Variants in EEFSEC observed in about 807,000 individuals in gnomAD.
EEFSEC encodes selenocysteine-specific elongation factor.
Under a neutral mutation model 42.1 loss-of-function variants are expected in EEFSEC, and 43 were observed. The observed-to-expected ratio is 1.02, with a 90% CI of 0.80 to 1.32. The LOEUF (loss-of-function observed/expected upper bound fraction) is 1.32, where lower values mean the gene tolerates loss of function less well. EEFSEC is among the 40% of genes most tolerant of loss of function. The pLI is 0.00. For synonymous variants in EEFSEC, 354 were observed against 339.1 expected (o/e 1.04, Z -0.48); for missense variants, 745 against 803.6 (o/e 0.93, Z 0.88).
intron 5 of EEFSEC, among the ~76,000 whole-genome samples, chr3:128,349,453 T>C (rs969897304): frequency 6.6e-6 from 1 of 152,214 alleles, no homozygotes; most frequent in Non-Finnish European, 1.5e-5. Flanking sequence ...GGAGCCAGGC[T>C]TCTCCACTAG....
chr3:128,254,514 G>A (rs975236016), intron 2 of EEFSEC, among the ~76,000 whole-genome samples: 8 of 152,182 alleles, frequency 5.3e-5, no homozygotes, highest in African/African-American at 1.9e-4. Flanking sequence ...AGGTGAAATC[G>A]CATAAACCAG....
intron 5 of EEFSEC, among the ~76,000 whole-genome samples, chr3:128,348,277 C>CGTGTGTGTGTGTGCGTGTGTGTGTGCGT (rs2067339828): frequency 7.7e-5 from 6 of 77,974 alleles, no homozygotes; most frequent in Admixed American, 1.3e-4. Flanking sequence ...TGTGCGTGTG[C>CGTGTGTGTGTGTGCGTGTGTGTGTGCGT]GTGTGTGTGT....
chr3:128,407,982 G>A, intron 6 of EEFSEC, 87 bp from the exon 7 acceptor site: 1 of 1,287,746 alleles, frequency 7.8e-7, no homozygotes, highest in South Asian at 1.5e-5. Flanking sequence ...CAGAAGAGGG[G>A]TGAGTCTAGG....
chr3:128,394,162 T>C (rs1317174474), intron 6 of EEFSEC, among the ~76,000 whole-genome samples: 1 of 152,194 alleles, frequency 6.6e-6, no homozygotes. Flanking sequence ...CCCCAGCCCC[T>C]GTACCCACGC....
Position 128,408,244 on chromosome 3 carries a change from G to A in EEFSEC, c.1776G>A (p.Met592Ile). The change falls in exon 7 of 7, where the codon ATG becomes ATA. Residue 592 changes from methionine (M) to isoleucine (I), a missense_variant. Transcript: ENST00000254730. The stretch of plus-strand genomic sequence containing the variant: ...ATGTCTTCGACACCCACAAGCGCAT[G>A]GTTCAGTCTCCCTGAGTGTCCGGTG... ...KRYVFDTHKR[M>I]VQSP The A allele has an allele frequency of 6.3e-7, 1 of 1,599,038 alleles. No homozygotes were observed. The highest frequency in any genetic ancestry group is 8.5e-7 in the Non-Finnish European group (1 of 1,171,570).
At chr3:128,210,250 G>T (rs530520007) in intron 1 of EEFSEC, among the ~76,000 whole-genome samples, 57 of 152,352 alleles carry the variant, frequency 3.7e-4, no homozygotes, top group African/African-American at 1.3e-3. Flanking sequence ...ACTTGGCTTG[G>T]TCTCCTGGAG....
chr3:128,244,379 G>A (rs1353184577), intron 1 of EEFSEC, among the ~76,000 whole-genome samples: 10 of 152,200 alleles, frequency 6.6e-5, no homozygotes, highest in Admixed American at 6.5e-4. Context: ...GAAAGGGTTT[G>A]TGGAGCACAC....
At chr3:128,334,734 C>T (rs1335579291) in intron 4 of EEFSEC, among the ~76,000 whole-genome samples, 1 of 152,234 alleles carries the variant, frequency 6.6e-6, no homozygotes, top group East Asian at 1.9e-4. Context: ...GTTCCTCCCT[C>T]CCTCCTTCCC....
intron 1 of EEFSEC, among the ~76,000 whole-genome samples, chr3:128,229,645 G>A (rs2065940755): frequency 6.6e-6 from 1 of 152,244 alleles, no homozygotes; most frequent in African/African-American, 2.4e-5. Context: ...GGGAGCTACA[G>A]GCCAGTCTTG....
chr3:128,386,006 A>G (rs910063278), intron 6 of EEFSEC, among the ~76,000 whole-genome samples: 1 of 152,226 alleles, frequency 6.6e-6, no homozygotes, highest in East Asian at 1.9e-4. Flanking sequence ...TCACAGTTAC[A>G]TGTTGATTTT....
chr3:128,322,932 G>A (rs1328826158), intron 4 of EEFSEC, among the ~76,000 whole-genome samples: 1 of 152,214 alleles, frequency 6.6e-6, no homozygotes, highest in Non-Finnish European at 1.5e-5. Flanking sequence ...CTGCAGATTG[G>A]TGGGGGCTGC....
chr3:128,268,106 GGTCA>G (rs1332850164), intron 4 of EEFSEC, among the ~76,000 whole-genome samples: 1 of 152,262 alleles, frequency 6.6e-6, no homozygotes, highest in Non-Finnish European at 1.5e-5. Flanking sequence ...TAGCCACAGA[GGTCA>G]GTCTCAGGTA....
intron 1 of EEFSEC, among the ~76,000 whole-genome samples, chr3:128,154,662 G>T (rs1309792047): frequency 6.6e-6 from 1 of 151,748 alleles, no homozygotes; most frequent in Non-Finnish European, 1.5e-5. Context: ...TGTTGGTCAG[G>T]CTGGTCTCAA....
intron 1 of EEFSEC, among the ~76,000 whole-genome samples, chr3:128,162,979 TC>T (rs1444317334): frequency 6.6e-6 from 1 of 152,200 alleles, no homozygotes; most frequent in Non-Finnish European, 1.5e-5. Flanking sequence ...AATCATTCCA[TC>T]CAGGTTGGAA....
At chr3:128,356,386 G>A (rs991623538) in intron 5 of EEFSEC, among the ~76,000 whole-genome samples, 9 of 152,130 alleles carry the variant, frequency 5.9e-5, no homozygotes, top group South Asian at 2.1e-4. Context: ...GCAGAGGCCC[G>A]AGTAGTAGCT....
chr3:128,256,567 T>C (rs1441920772), intron 2 of EEFSEC, among the ~76,000 whole-genome samples: 1 of 152,228 alleles, frequency 6.6e-6, no homozygotes, highest in African/African-American at 2.4e-5. Context: ...GCTTCTTGGC[T>C]GCATGTGGAT....
intron 2 of EEFSEC, among the ~76,000 whole-genome samples, chr3:128,249,251 C>A (rs527988635): frequency 6.6e-6 from 1 of 152,200 alleles, no homozygotes; most frequent in East Asian, 1.9e-4. Flanking sequence ...CAAAGAGTAA[C>A]TGAAAGAAAA....
chr3:128,277,108 T>A (rs1174881084), intron 4 of EEFSEC, among the ~76,000 whole-genome samples: 1 of 152,248 alleles, frequency 6.6e-6, no homozygotes, highest in East Asian at 1.9e-4. Context: ...ACCTGCAGTC[T>A]GTGTCGGGCC....
intron 6 of EEFSEC, among the ~76,000 whole-genome samples, chr3:128,382,298 G>A (rs2067785499): frequency 6.6e-6 from 1 of 152,248 alleles, no homozygotes; most frequent in Admixed American, 6.5e-5. Flanking sequence ...CAGACACGCT[G>A]TGCCAGGATT....
Sources: gnomAD v4.1 joint callset for allele counts (sites outside exome capture counted in the v4.1 genomes callset) on GRCh38, gnomAD v4.1.1 for gene constraint, MANE v1.5 for transcripts, NCBI Gene and HGNC (gene_info 2026-07-23, HGNC 2026-07-21) for gene names.